The following FAM110B variants were observed in gnomAD, a reference collection of about 807,000 sequenced individuals.
FAM110B encodes family with sequence similarity 110 member B, also known as protein FAM110B.
Under a neutral mutation model 20.4 loss-of-function variants are expected in FAM110B, and 6 were observed. That is an observed-to-expected ratio of 0.29 (90% confidence interval 0.16 to 0.58). The LOEUF is 0.58. Among genes scored for constraint, FAM110B ranks in the 20% least tolerant of loss-of-function variants. The pLI, the probability that FAM110B is intolerant of heterozygous loss-of-function variation, is 0.90. For missense variants in FAM110B, 434 were observed against 498.2 expected (o/e 0.87, Z 1.23); for synonymous variants, 226 against 214.1 (o/e 1.06, Z -0.49).
intron 3 of FAM110B, among the ~76,000 whole-genome samples, chr8:58,094,626 T>G (rs1806573378): frequency 6.6e-6 from 1 of 152,240 alleles, no homozygotes; most frequent in Non-Finnish European, 1.5e-5. Context: ...ATAAGCTTTT[T>G]GATGTGCTGC....
intron 3 of FAM110B, among the ~76,000 whole-genome samples, chr8:58,110,190 C>T (rs1425086792): frequency 3.9e-5 from 6 of 152,132 alleles, no homozygotes; most frequent in Non-Finnish European, 7.4e-5. Flanking sequence ...TCCAAGAAAT[C>T]CTCCAAGGCG....
chr8:58,109,477 C>T (rs1196465081), intron 3 of FAM110B, among the ~76,000 whole-genome samples: 1 of 152,136 alleles, frequency 6.6e-6, no homozygotes, highest in Non-Finnish European at 1.5e-5. Flanking sequence ...TTATTAGCGG[C>T]ACAGAAAAAT....
chr8:58,058,486 AG>A (rs1805592572), intron 2 of FAM110B, among the ~76,000 whole-genome samples: 1 of 152,212 alleles, frequency 6.6e-6, no homozygotes, highest in Non-Finnish European at 1.5e-5. Context: ...GAAAACATAA[AG>A]AAAGATGTTT....
chr8:58,137,185 C>A (rs1803638181), intron 3 of FAM110B, among the ~76,000 whole-genome samples: 1 of 152,206 alleles, frequency 6.6e-6, no homozygotes, highest in Non-Finnish European at 1.5e-5. Context: ...GACAAAAGAT[C>A]ATTCATTTAC....
chr8:58,017,719 C>A (rs894565578), intron 1 of FAM110B, among the ~76,000 whole-genome samples: 8 of 152,308 alleles, frequency 5.3e-5, no homozygotes, highest in African/African-American at 1.4e-4. Flanking sequence ...CCACAAGCTT[C>A]AGTATCTTGG....
intron 1 of FAM110B, among the ~76,000 whole-genome samples, chr8:58,019,680 G>T (rs527490199): frequency 6.6e-6 from 1 of 151,696 alleles, no homozygotes; most frequent in Non-Finnish European, 1.5e-5. Flanking sequence ...TTCCATTATG[G>T]CCTCCCTTGT....
chr8:58,075,222 C>T (rs1806002817), intron 2 of FAM110B, among the ~76,000 whole-genome samples: 1 of 150,724 alleles, frequency 6.6e-6, no homozygotes, highest in South Asian at 2.1e-4. Flanking sequence ...TCTTGTGCCT[C>T]AGCCTCCCGA....
At chr8:58,052,204 G>A (rs560715641) in intron 2 of FAM110B, among the ~76,000 whole-genome samples, 160 of 152,304 alleles carry the variant, frequency 1.1e-3, no homozygotes, top group African/African-American at 3.6e-3. Flanking sequence ...CACATAGTTG[G>A]CTGAAATCTT....
intron 2 of FAM110B, among the ~76,000 whole-genome samples, chr8:58,058,643 A>G (rs1805595981): frequency 6.6e-6 from 1 of 152,306 alleles, no homozygotes; most frequent in East Asian, 1.9e-4. Flanking sequence ...TAAATGCATG[A>G]GAGATTGAGT....
intron 1 of FAM110B, among the ~76,000 whole-genome samples, chr8:58,029,404 G>A (rs1804920788): frequency 6.6e-6 from 1 of 152,106 alleles, no homozygotes; most frequent in African/African-American, 2.4e-5. Context: ...GATTTCTCAT[G>A]GGCATTCATA....
At chr8:58,126,776 A>C (rs1042992354) in intron 3 of FAM110B, among the ~76,000 whole-genome samples, 5 of 149,350 alleles carry the variant, frequency 3.3e-5, no homozygotes, top group Non-Finnish European at 3.0e-5. Context: ...AGTTCTGAGA[A>C]CTCTTTGTAT....
At chr8:58,016,240 T>C (rs538863417) in intron 1 of FAM110B, among the ~76,000 whole-genome samples, 1 of 152,366 alleles carries the variant, frequency 6.6e-6, no homozygotes, top group Non-Finnish European at 1.5e-5. Context: ...GGTGTGGAAG[T>C]AAAATTTGTA....
chr8:58,079,496 T>G (rs1184752787), intron 3 of FAM110B, among the ~76,000 whole-genome samples: 1 of 152,144 alleles, frequency 6.6e-6, no homozygotes, highest in Non-Finnish European at 1.5e-5. Flanking sequence ...AAATTGGCAG[T>G]AGGGTGTTGG....
At chr8:58,137,997 A>T (rs1480811306) in intron 3 of FAM110B, among the ~76,000 whole-genome samples, 1 of 152,124 alleles carries the variant, frequency 6.6e-6, no homozygotes, top group Non-Finnish European at 1.5e-5. Context: ...AAGAAGCATC[A>T]TTTTCCCCTT....
intron 3 of FAM110B, among the ~76,000 whole-genome samples, chr8:58,105,763 G>T (rs1806895866): frequency 6.6e-6 from 1 of 151,232 alleles, no homozygotes; most frequent in African/African-American, 2.4e-5. Flanking sequence ...GTAGAGACAG[G>T]GTTTCACCAT....
chr8:58,109,755 G>A (rs889578802), intron 3 of FAM110B, among the ~76,000 whole-genome samples: 9 of 152,160 alleles, frequency 5.9e-5, no homozygotes, highest in East Asian at 3.9e-4. Flanking sequence ...TCGGAAACAC[G>A]AAAGGCTGTA....
rs917042782 is a variant in FAM110B, at chr8:58,027,143, T to C, written c.-511-4463T>C. ...GTTTTAGAAAGTTTATCCCTTTACA[T>C]TGAAGAAATTTATTGTAGACTAAAT... On this transcript the variant is annotated intron_variant, in intron 1 of 3. Coordinates refer to ENST00000519262, the MANE Select transcript of FAM110B (RefSeq NM_001377989.1). Among the ~76,000 whole-genome samples, 3 of 152,220 alleles carry C rather than the reference T, an allele frequency of 2.0e-5. No homozygotes were observed. In the East Asian group the frequency reaches 5.8e-4, roughly 29 times the overall value.
intron 3 of FAM110B, among the ~76,000 whole-genome samples, chr8:58,103,002 GAA>G (rs60027491): frequency 0.051 from 5,027 of 98,808 alleles, 229 homozygotes; most frequent in African/African-American, 0.15. Flanking sequence ...TGCTTGTTAT[GAA>G]AAAAAAAAAA....
intron 3 of FAM110B, among the ~76,000 whole-genome samples, chr8:58,144,108 A>C (rs1330437679): frequency 6.6e-6 from 1 of 152,192 alleles, no homozygotes; most frequent in Non-Finnish European, 1.5e-5. Context: ...ACTAGGTGGT[A>C]TTCCCACTCT....
Sources: gnomAD v4.1 joint callset for allele counts (sites outside exome capture counted in the v4.1 genomes callset) on GRCh38, gnomAD v4.1.1 for gene constraint, MANE v1.5 for transcripts, NCBI Gene and HGNC (gene_info 2026-07-23, HGNC 2026-07-21) for gene names.